Variants in TBC1D25 observed in about 807,000 individuals in gnomAD.
The protein encoded by TBC1D25 is TBC1 domain family member 25.
Under a neutral mutation model 38.8 loss-of-function variants are expected in TBC1D25, and 13 were observed. The ratio of observed to expected loss-of-function variants is 0.34; its 90% CI spans 0.22 to 0.53. The LOEUF (loss-of-function observed/expected upper bound fraction) is 0.53. Among genes scored for constraint, TBC1D25 ranks in the 20% least tolerant of loss-of-function variants. The pLI is 0.94. For missense variants in TBC1D25, 372 were observed against 600.0 expected (o/e 0.62, Z 3.97); for synonymous variants, 225 against 255.6 (o/e 0.88, Z 1.14).
At chrX:48,551,100 A>G (rs1195304047) in intron 3 of TBC1D25, among the ~76,000 whole-genome samples, 4 of 111,691 alleles carry the variant, frequency 3.6e-5, no homozygotes, top group African/African-American at 9.8e-5. Context: ...AAGTTTGACA[A>G]TTTTATGATA....
Position 48,561,142 on chromosome X carries a change from C to A in TBC1D25, c.*167C>A. 1 of 540,490 alleles carries A rather than the reference C, an allele frequency of 1.9e-6. No homozygotes were observed. The highest frequency in any genetic ancestry group is 2.9e-6 in the Non-Finnish European group (1 of 350,272). 44.5% of individuals were successfully genotyped at this position (540,490 alleles called of 1,213,427 possible). On this transcript the variant is annotated 3_prime_UTR_variant, in exon 6 of 6. Transcript: ENST00000376771. The stretch of plus-strand genomic sequence containing the variant: ...TATGTGGAGCTCTGCTTTGGCACTG[C>A]CCCGCAGAGGCCACGCCTATTTATT...
intron 2 of TBC1D25, among the ~76,000 whole-genome samples, chrX:48,541,677 T>C (rs1370896535): frequency 8.9e-6 from 1 of 112,154 alleles, no homozygotes. Context: ...CAATAAGATA[T>C]TTTGAGAGAG....
intron 3 of TBC1D25, among the ~76,000 whole-genome samples, chrX:48,555,332 T>G (rs1602114796): frequency 9.0e-6 from 1 of 111,330 alleles, no homozygotes; most frequent in East Asian, 2.8e-4. Context: ...CTAGGGTTTG[T>G]TCCCCCCCTC....
At position 48,555,423 on chromosome X, in the gene TBC1D25, T is replaced by C. The variant is rs782389360; in HGVS notation, c.389-3474T>C. On this transcript the variant is annotated intron_variant, in intron 3 of 5. Coordinates refer to ENST00000376771, the MANE Select transcript of TBC1D25 (RefSeq NM_002536.4). ...TGCAAATGACAGTGGCTTAAACAGATAGAAGTTGATTGGTTTCACACAAAA... is the reference window on the plus strand; with the variant it reads ...TGCAAATGACAGTGGCTTAAACAGACAGAAGTTGATTGGTTTCACACAAAA... Among the ~76,000 whole-genome samples, 19 of 111,960 alleles carry C rather than the reference T, an allele frequency of 1.7e-4. No homozygotes were observed. In the East Asian group the frequency reaches 5.3e-3, roughly 31 times the overall value.
intron 2 of TBC1D25, among the ~76,000 whole-genome samples, chrX:48,541,778 A>G (rs782467567): frequency 2.5e-4 from 28 of 111,817 alleles, no homozygotes; most frequent in Non-Finnish European, 4.9e-4. Flanking sequence ...CAACTTTACA[A>G]TGGTGCAAAA....
At position 48,539,737 on chromosome X, in the gene TBC1D25, A is replaced by G; in HGVS notation, c.-61A>G. 2 of 933,260 alleles carry G rather than the reference A, an allele frequency of 2.1e-6. No homozygotes were observed. The highest frequency in any genetic ancestry group is 5.4e-5 in the South Asian group (1 of 18,631). The allele number at this position is 933,260 out of a possible 1,213,427, so 76.9% of individuals were successfully genotyped here. ...GTGGGGCGGCGGGCGTCAGTACAGT[A>G]GAGTGTGCGCCGGGGTGGGGGGCAA... is the stretch of plus-strand genomic sequence containing the variant. On this transcript the variant is annotated 5_prime_UTR_variant, in exon 1 of 6. Transcript: ENST00000376771.
rs2062009714 is a variant in TBC1D25 at position 48,560,022 on chromosome X, G to A, written c.1114G>A (p.Ala372Thr). Residue 372 changes from alanine (A) to threonine (T), a missense_variant, in exon 6 of 6, where the codon GCC becomes ACC. By Grantham distance (58) the Ala-to-Thr change is moderately conservative. This residue lies in a region of TBC1D25 where 312 missense variants were observed against 549.3 expected (regional missense o/e 0.57). Transcript: ENST00000376771. ...CGCCAACTTCCACCCTGACGGCCGCGCCATGGCCACCAAGTTTGCACACTT... is the reference window on the plus strand; with the variant it reads ...CGCCAACTTCCACCCTGACGGCCGCACCATGGCCACCAAGTTTGCACACTT... Reference protein sequence around the residue: ...LAANFHPDGRAMATKFAHLKL... With the variant: ...LAANFHPDGRTMATKFAHLKL... 5.8e-6 allele frequency: 7 copies of A among 1,210,233 alleles called. No homozygotes were observed. The highest frequency in any genetic ancestry group is 3.0e-5 in the East Asian group (1 of 33,832).
At chrX:48,546,932 T>C (rs1178265155) in intron 3 of TBC1D25, among the ~76,000 whole-genome samples, 6 of 111,924 alleles carry the variant, frequency 5.4e-5, no homozygotes, top group Non-Finnish European at 9.4e-5. Flanking sequence ...TAAATAGTTG[T>C]GGAGTGGAAG....
Position 48,560,814 on chromosome X carries a change from A to C in TBC1D25, c.1906A>C (p.Asn636His). 1.7e-6 allele frequency: 2 copies of C among 1,212,102 alleles called. No homozygotes were observed. The highest frequency in any genetic ancestry group is 2.2e-6 in the Non-Finnish European group (2 of 895,543). The change falls in exon 6 of 6, where the codon AAT (asparagine) becomes CAT (histidine). Residue 636 changes from asparagine to histidine, a missense_variant. Physicochemically the swap from Asn to His is moderately conservative, Grantham distance 68. Coordinates refer to ENST00000376771, the MANE Select transcript of TBC1D25 (RefSeq NM_002536.4). ...GGAGCACCGCGACCACATCATGCGC[A>C]ATGGGCTGGATTATAATGAGCTGGC... ...LLEHRDHIMRNGLDYNELAMH... is the reference protein window; with the variant it reads ...LLEHRDHIMRHGLDYNELAMH...
intron 1 of TBC1D25, 141 bp downstream of exon 1, chrX:48,540,061 G>T (rs963043756): frequency 1.2e-5 from 10 of 806,463 alleles, no homozygotes; most frequent in Non-Finnish European, 1.4e-5. Flanking sequence ...TGATGATGGC[G>T]AGGGGTAGGG....
At chrX:48,548,552 T>C (rs1050488029) in intron 3 of TBC1D25, among the ~76,000 whole-genome samples, 27 of 112,279 alleles carry the variant, frequency 2.4e-4, no homozygotes, top group African/African-American at 4.2e-4. Flanking sequence ...GGGAATTTGA[T>C]TGGAGTCATA....
At chrX:48,545,436 A>T (rs2061875603) in intron 3 of TBC1D25, among the ~76,000 whole-genome samples, 1 of 112,590 alleles carries the variant, frequency 8.9e-6, no homozygotes, top group Non-Finnish European at 1.9e-5. Context: ...TATTTCAGTT[A>T]TAATACCTAA....
chrX:48,546,330 G>A (rs1187437463), intron 3 of TBC1D25, among the ~76,000 whole-genome samples: 1 of 108,105 alleles, frequency 9.3e-6, no homozygotes, highest in Admixed American at 1.0e-4. Flanking sequence ...TGGCTAACAC[G>A]GTGAAACCCT....
At chrX:48,545,139 A>G (rs1284913144) in intron 3 of TBC1D25, 116 bp downstream of exon 3, 34 of 977,179 alleles carry the variant, frequency 3.5e-5, no homozygotes, top group Non-Finnish European at 4.3e-5. Flanking sequence ...TATCCTAGCT[A>G]TAGATCCTGG....
intron 2 of TBC1D25, among the ~76,000 whole-genome samples, chrX:48,542,805 T>C (rs1217749790): frequency 9.0e-6 from 1 of 111,113 alleles, no homozygotes; most frequent in Non-Finnish European, 1.9e-5. Context: ...TTCGCCATGT[T>C]GCCCAGGGCA....
intron 3 of TBC1D25, among the ~76,000 whole-genome samples, chrX:48,551,491 C>A (rs2061932564): frequency 9.1e-6 from 1 of 110,348 alleles, no homozygotes; most frequent in South Asian, 3.8e-4. Flanking sequence ...CCACGCCCAG[C>A]TAATTTTTGT....
At chrX:48,559,049 C>T (rs782680276) in intron 4 of TBC1D25, 25 bp downstream of exon 4, 3 of 1,209,543 alleles carry the variant, frequency 2.5e-6, no homozygotes, top group Middle Eastern at 2.3e-4. Context: ...CCTAGGGACC[C>T]AGCTGTGGTT....
intron 3 of TBC1D25, among the ~76,000 whole-genome samples, chrX:48,556,645 G>C (rs922339265): frequency 9.3e-6 from 1 of 107,649 alleles, no homozygotes; most frequent in Non-Finnish European, 1.9e-5. Flanking sequence ...TACTCGGGAG[G>C]CTGTGGCAGG....
At chrX:48,551,791 A>AT (rs1455025705) in intron 3 of TBC1D25, among the ~76,000 whole-genome samples, 50 of 104,209 alleles carry the variant, frequency 4.8e-4, no homozygotes, top group Admixed American at 1.1e-3. Flanking sequence ...CACCTGGCTA[A>AT]TTTTTTTTTG....
Sources: gnomAD v4.1 joint callset for allele counts (sites outside exome capture counted in the v4.1 genomes callset) on GRCh38, gnomAD v4.1.1 for gene constraint, gnomAD v4.1.1 regional missense constraint, MANE v1.5 for transcripts, NCBI Gene and HGNC (gene_info 2026-07-23, HGNC 2026-07-21) for gene names.